Variants in PRELID2 observed in about 807,000 individuals in gnomAD.
PRELID2 encodes the protein PRELI domain-containing protein 2.
Under a neutral mutation model 28.4 loss-of-function variants are expected in PRELID2, and 25 were observed. That is an observed-to-expected ratio of 0.88 (90% CI 0.64 to 1.23). PRELID2 has a LOEUF of 1.23. Among genes scored for constraint, PRELID2 ranks in the 50% most tolerant of loss-of-function variants. The pLI is 0.00. For synonymous variants in PRELID2, 76 were observed against 71.6 expected (o/e 1.06, Z -0.31); for missense variants, 201 against 214.4 (o/e 0.94, Z 0.39).
intron 1 of PRELID2, among the ~76,000 whole-genome samples, chr5:145,537,654 T>C (rs1449091475): frequency 6.6e-6 from 1 of 151,924 alleles, no homozygotes; most frequent in Non-Finnish European, 1.5e-5. Context: ...TTGCCTGTTT[T>C]TTTAATTGGG....
chr5:145,272,764 A>C, the PRELID2 span, among the ~76,000 whole-genome samples: 504 of 152,270 alleles, frequency 3.3e-3, 3 homozygotes, highest in African/African-American at 0.012. Flanking sequence ...TTGATAGATG[A>C]TATCAATTTT....
At chr5:145,463,042 T>A in the PRELID2 span, among the ~76,000 whole-genome samples, 3 of 152,094 alleles carry the variant, frequency 2.0e-5, no homozygotes, top group Non-Finnish European at 2.9e-5. Flanking sequence ...AATAAAAAGT[T>A]TGATTTGAAA....
At chr5:145,534,371 A>C (rs1246715346) in intron 1 of PRELID2, among the ~76,000 whole-genome samples, 1 of 152,076 alleles carries the variant, frequency 6.6e-6, no homozygotes, top group Non-Finnish European at 1.5e-5. Flanking sequence ...AAATATTTTA[A>C]CAGTCTTAAC....
At chr5:145,496,163 C>T (rs898835763) in intron 1 of PRELID2, among the ~76,000 whole-genome samples, 1 of 152,040 alleles carries the variant, frequency 6.6e-6, no homozygotes, top group African/African-American at 2.4e-5. Context: ...AGCTTACATG[C>T]ATATAGAGAA....
chr5:145,249,343 T>C, the PRELID2 span, among the ~76,000 whole-genome samples: 1 of 152,162 alleles, frequency 6.6e-6, no homozygotes, highest in Non-Finnish European at 1.5e-5. Context: ...GTTGATAAGA[T>C]TAATTTGGTA....
chr5:145,624,188 C>G (rs1753813433), intron 1 of PRELID2, among the ~76,000 whole-genome samples: 1 of 152,162 alleles, frequency 6.6e-6, no homozygotes, highest in Non-Finnish European at 1.5e-5. Flanking sequence ...ACCACCTTCC[C>G]AGAACCTTGA....
chr5:145,709,617 C>G (rs924547268), intron 1 of PRELID2, among the ~76,000 whole-genome samples: 2 of 151,678 alleles, frequency 1.3e-5, no homozygotes, highest in African/African-American at 4.8e-5. Flanking sequence ...TGTGTCTGCT[C>G]TGTTTGGGCT....
At chr5:145,342,567 A>G in the PRELID2 span, among the ~76,000 whole-genome samples, 7 of 152,120 alleles carry the variant, frequency 4.6e-5, no homozygotes, top group Non-Finnish European at 8.8e-5. Flanking sequence ...TTTTAAAAAC[A>G]AGATTTAGCT....
chr5:145,582,089 T>G (rs1195362774), intron 1 of PRELID2, among the ~76,000 whole-genome samples: 2 of 152,014 alleles, frequency 1.3e-5, no homozygotes, highest in African/African-American at 2.4e-5. Context: ...ATTATTGTGG[T>G]TAAGAACACA....
chr5:145,230,093 C>A, the PRELID2 span: 3 of 631,656 alleles, frequency 4.7e-6, no homozygotes, highest in Non-Finnish European at 8.9e-6. Flanking sequence ...CCTCAATTTG[C>A]AGATCCCCCA....
At chr5:145,829,000 G>A (rs948391464) in intron 1 of PRELID2, among the ~76,000 whole-genome samples, 5 of 151,830 alleles carry the variant, frequency 3.3e-5, no homozygotes, top group Middle Eastern at 3.4e-3. Context: ...ACCATGCCCC[G>A]GCTAATTTTG....
chr5:145,240,503 C>A, the PRELID2 span, among the ~76,000 whole-genome samples: 1 of 152,058 alleles, frequency 6.6e-6, no homozygotes, highest in East Asian at 1.9e-4. Context: ...GCATCCTCAT[C>A]TTTAGTAGTT....
intron 1 of PRELID2, among the ~76,000 whole-genome samples, chr5:145,556,481 A>G (rs1752881166): frequency 6.6e-6 from 1 of 152,064 alleles, no homozygotes; most frequent in East Asian, 1.9e-4. Context: ...TTCCATAACT[A>G]TTATCTGTTA....
At chr5:145,324,338 A>G in the PRELID2 span, among the ~76,000 whole-genome samples, 17 of 152,120 alleles carry the variant, frequency 1.1e-4, no homozygotes, top group East Asian at 3.3e-3. Flanking sequence ...CTGTTTTCCT[A>G]CTTACAAAGC....
the PRELID2 span, among the ~76,000 whole-genome samples, chr5:145,359,265 T>C: frequency 2.0e-5 from 3 of 152,234 alleles, no homozygotes; most frequent in Non-Finnish European, 1.5e-5. Flanking sequence ...GGATAGTATA[T>C]TGTCAGAAAC....
the PRELID2 span, among the ~76,000 whole-genome samples, chr5:145,447,938 G>T: frequency 1.5e-4 from 23 of 151,706 alleles, no homozygotes; most frequent in Admixed American, 6.6e-5. Flanking sequence ...ACATACATGT[G>T]CATGTGTCTT....
At chr5:145,651,853 C>T (rs1268723981) in intron 1 of PRELID2, among the ~76,000 whole-genome samples, 1 of 152,226 alleles carries the variant, frequency 6.6e-6, no homozygotes, top group Non-Finnish European at 1.5e-5. Flanking sequence ...CTGCCTCTCC[C>T]CATCCAAAGG....
At chr5:145,605,093 T>A (rs1753485208) in intron 1 of PRELID2, among the ~76,000 whole-genome samples, 1 of 151,804 alleles carries the variant, frequency 6.6e-6, no homozygotes, top group African/African-American at 2.4e-5. Context: ...GGTGCATAGT[T>A]TACAAATATT....
intron 5 of PRELID2, among the ~76,000 whole-genome samples, chr5:145,766,451 C>T (rs1757768083): frequency 6.6e-6 from 1 of 152,038 alleles, no homozygotes; most frequent in African/African-American, 2.4e-5. Flanking sequence ...GGGATGGGGA[C>T]GGAGGGTAAT....
Sources: gnomAD v4.1 joint callset for allele counts (sites outside exome capture counted in the v4.1 genomes callset) on GRCh38, gnomAD v4.1.1 for gene constraint, MANE v1.5 for transcripts, NCBI Gene and HGNC (gene_info 2026-07-23, HGNC 2026-07-21) for gene names.